Variants in DLG2 observed in about 807,000 individuals in gnomAD.
DLG2 encodes disks large homolog 2.
Under a neutral mutation model 132.5 loss-of-function variants are expected in DLG2, and 45 were observed. The observed-to-expected ratio is 0.34, with a 90% CI of 0.27 to 0.44. The LOEUF (loss-of-function observed/expected upper bound fraction) is 0.44, where lower values mean the gene tolerates loss of function less well. Among genes scored for constraint, DLG2 ranks in the 20% least tolerant of loss-of-function variants. The pLI, the probability that DLG2 is intolerant of heterozygous loss-of-function variation, is 1.00. For synonymous variants in DLG2, 424 were observed against 419.6 expected, an observed-to-expected ratio of 1.01 and a Z score of -0.13; for missense variants, 1,045 against 1,196.9, an observed-to-expected ratio of 0.87 and a Z score of 1.87.
At chr11:83,929,798 G>T (rs1438261182) in intron 15 of DLG2, among the ~76,000 whole-genome samples, 2 of 152,148 alleles carry the variant, frequency 1.3e-5, no homozygotes, top group Non-Finnish European at 2.9e-5. Context: ...CGTGTGGTGA[G>T]ATGGAACCAA....
chr11:84,965,014 A>G (rs972365172), intron 6 of DLG2, among the ~76,000 whole-genome samples: 1 of 152,100 alleles, frequency 6.6e-6, no homozygotes, highest in East Asian at 1.9e-4. Flanking sequence ...TTTGGAAGGA[A>G]ACTTTGCCGT....
chr11:83,879,624 C>G (rs559067575), intron 15 of DLG2, among the ~76,000 whole-genome samples: 7 of 152,226 alleles, frequency 4.6e-5, no homozygotes, highest in African/African-American at 1.7e-4. Context: ...ATTAAAACGT[C>G]ATCACCTTCC....
chr11:83,929,683 T>C (rs2079775717), intron 15 of DLG2, among the ~76,000 whole-genome samples: 1 of 152,210 alleles, frequency 6.6e-6, no homozygotes, highest in Admixed American at 6.5e-5. Context: ...TTAACCACTC[T>C]GAACTTCTAT....
chr11:85,455,066 A>G (rs1235868168), intron 3 of DLG2, among the ~76,000 whole-genome samples: 1 of 152,158 alleles, frequency 6.6e-6, no homozygotes, highest in African/African-American at 2.4e-5. Context: ...AAAGAATGTC[A>G]TTGATAGTTT....
At chr11:85,051,358 T>C (rs1185557268) in intron 6 of DLG2, among the ~76,000 whole-genome samples, 1 of 152,186 alleles carries the variant, frequency 6.6e-6, no homozygotes, top group East Asian at 1.9e-4. Context: ...CTTATCAAAT[T>C]ATTCAAATTT....
chr11:83,837,723 C>CAAAAAAAAAAAAAAAAAAAAAAAAAA (rs386374350), intron 16 of DLG2, among the ~76,000 whole-genome samples: 1 of 45,948 alleles, frequency 2.2e-5, no homozygotes, highest in Non-Finnish European at 3.6e-5. Flanking sequence ...ACATAGCAAG[C>CAAAAAAAAAAAAAAAAAAAAAAAAAA]AAAAAAAAAA....
intron 20 of DLG2, among the ~76,000 whole-genome samples, chr11:83,541,135 GA>G (rs1360154658): frequency 3.3e-5 from 5 of 151,798 alleles, no homozygotes; most frequent in Non-Finnish European, 7.4e-5. Flanking sequence ...AGTAAAAAAA[GA>G]AAAAAAATTG....
In DLG2 at chr11:83,965,305, A is replaced by G. The variant is rs1463013477; in HGVS notation, c.1201+19T>C. ...TCTGCAAGTCTGGCATGCTATTTGA[A>G]GATGACAATGGTACTTACAGTGAGT... On this transcript the variant is annotated intron_variant, in intron 13 of 27. Transcript: ENST00000376104. The G allele has an allele frequency of 2.5e-6, 4 of 1,589,758 alleles. No homozygotes were observed. In the South Asian group the frequency reaches 4.6e-5, roughly 18 times the overall value.
intron 7 of DLG2, among the ~76,000 whole-genome samples, chr11:84,446,717 C>G (rs2154479706): frequency 6.6e-6 from 1 of 152,192 alleles, no homozygotes; most frequent in African/African-American, 2.4e-5. Context: ...AGTCCTTTCA[C>G]AAATGAGAAT....
chr11:83,507,572 CTATAGATATCTA>C (rs1266013628), intron 21 of DLG2, among the ~76,000 whole-genome samples: 175 of 140,940 alleles, frequency 1.2e-3, no homozygotes, highest in Non-Finnish European at 1.9e-3. Flanking sequence ...TATATATATC[CTATAGATATCTA>C]TATAGATATC....
chr11:84,779,835 A>G (rs1353887753), intron 6 of DLG2, among the ~76,000 whole-genome samples: 1 of 152,000 alleles, frequency 6.6e-6, no homozygotes, highest in Non-Finnish European at 1.5e-5. Context: ...AGGAAGAAAT[A>G]GAAAATCTGA....
intron 17 of DLG2, among the ~76,000 whole-genome samples, chr11:83,826,859 G>C (rs558170547): frequency 9.2e-5 from 14 of 152,122 alleles, no homozygotes; most frequent in Non-Finnish European, 2.1e-4. Flanking sequence ...TAAGATTTCT[G>C]ATTTAAGCTG....
intron 5 of DLG2, among the ~76,000 whole-genome samples, chr11:85,119,618 A>T (rs924380061): frequency 2.6e-5 from 4 of 152,028 alleles, no homozygotes; most frequent in Non-Finnish European, 5.9e-5. Flanking sequence ...GGCAGATCTT[A>T]TCTATTATAA....
chr11:85,021,237 C>G, intron 6 of DLG2: 1 of 1,282,776 alleles, frequency 7.8e-7, no homozygotes, highest in Non-Finnish European at 1.1e-6. Flanking sequence ...GCACTACAGC[C>G]CGAGCAATAG....
At chr11:83,592,616 T>G (rs1194300501) in intron 19 of DLG2, among the ~76,000 whole-genome samples, 1 of 151,586 alleles carries the variant, frequency 6.6e-6, no homozygotes, top group Non-Finnish European at 1.5e-5. Flanking sequence ...CCAAAAGCAA[T>G]GGCAACAAAA....
intron 3 of DLG2, among the ~76,000 whole-genome samples, chr11:85,381,815 A>G (rs547242958): frequency 2.0e-5 from 3 of 152,260 alleles, no homozygotes; most frequent in Non-Finnish European, 2.9e-5. Flanking sequence ...GCACACTAAA[A>G]ACTACAAAAC....
chr11:83,706,616 A>G (rs921361027), intron 18 of DLG2, among the ~76,000 whole-genome samples: 3 of 152,184 alleles, frequency 2.0e-5, no homozygotes, highest in African/African-American at 4.8e-5. Flanking sequence ...AAACCTTCTG[A>G]GGAGCATACA....
chr11:84,163,568 AG>A (rs1318944513), intron 8 of DLG2, 57 bp from the exon 9 acceptor site: 1 of 1,418,926 alleles, frequency 7.0e-7, no homozygotes, highest in African/African-American at 1.5e-5. Context: ...AGGAGGAGAC[AG>A]CTGCATTTTA....
chr11:85,512,581 A>G (rs900445383), intron 3 of DLG2, among the ~76,000 whole-genome samples: 1 of 152,110 alleles, frequency 6.6e-6, no homozygotes, highest in Non-Finnish European at 1.5e-5. Flanking sequence ...GGATAAAACC[A>G]TCATTTAATA....
Sources: allele counts gnomAD v4.1 joint callset (sites outside exome capture counted in the v4.1 genomes callset), GRCh38; gene constraint gnomAD v4.1.1; transcripts MANE v1.5; gene names NCBI Gene and HGNC (gene_info 2026-07-23, HGNC 2026-07-21).